BTBD1: variants seen among roughly 807,000 people sequenced by gnomAD.
The protein encoded by BTBD1 is BTB/POZ domain-containing protein 1.
Under a neutral mutation model 48.0 loss-of-function variants are expected in BTBD1, and 34 were observed. The observed-to-expected ratio is 0.71, with a 90% CI of 0.54 to 0.94. The LOEUF (loss-of-function observed/expected upper bound fraction) is 0.94, where lower values mean the gene tolerates loss of function less well. Ranked by LOEUF, BTBD1 falls within the 40% of genes least tolerant of loss-of-function variation. The pLI is 0.00. For synonymous variants in BTBD1, 261 were observed against 242.1 expected (o/e 1.08, Z -0.72); for missense variants, 543 against 625.6 (o/e 0.87, Z 1.41).
chr15:83,058,060 T>C (rs774335925), intron 1 of BTBD1, among the ~76,000 whole-genome samples: 3 of 152,254 alleles, frequency 2.0e-5, no homozygotes, highest in Admixed American at 6.5e-5. Context: ...AGCCTGTCCA[T>C]TGTCATGGAC....
intron 3 of BTBD1, chr15:83,044,635 A>G: frequency 1.3e-6 from 2 of 1,554,906 alleles, no homozygotes; most frequent in Non-Finnish European, 8.8e-7. Context: ...AGCTTTGCAG[A>G]TGGTGCATTG....
intron 4 of BTBD1, among the ~76,000 whole-genome samples, chr15:83,039,219 A>T (rs914538632): frequency 6.6e-6 from 1 of 152,178 alleles, no homozygotes; most frequent in African/African-American, 2.4e-5. Flanking sequence ...GGGCCAAAAA[A>T]TATGAACAGA....
rs777355649 is a variant in BTBD1 at position 83,041,868 on chromosome 15, A to C, written c.722T>G (p.Phe241Cys). The change falls in exon 4 of 8, where the codon TTT becomes TGT. Residue 241 changes from phenylalanine (F) to cysteine (C), a missense_variant. By Grantham distance (205) the Phe-to-Cys change is radical (BLOSUM62 -2). Coordinates refer to ENST00000261721, the MANE Select transcript of BTBD1 (RefSeq NM_025238.4). Reference protein sequence around the residue: ...DTLSIRESRLFGAVVRWAEAE... With the variant: ...DTLSIRESRLCGAVVRWAEAE... The stretch of plus-strand genomic sequence containing the variant: ...TTCTGCCCAGCGTACAACAGCTCCA[A>C]AAAGTCGACTTTCTCGAATACTGAG... The C allele has an allele frequency of 6.2e-7, 1 of 1,614,184 alleles. No homozygotes were observed. Among genetic ancestry groups the C allele is most frequent in the Non-Finnish European group, 8.5e-7 (1 of 1,180,038 alleles).
At chr15:83,041,608 A>G (rs2032761192) in intron 4 of BTBD1, 120 bp downstream of exon 4, 12 of 844,014 alleles carry the variant, frequency 1.4e-5, no homozygotes, top group Non-Finnish European at 1.9e-5. Flanking sequence ...CCTGTCCTCA[A>G]GTGATCCACC....
At position 83,056,372 on chromosome 15, in the gene BTBD1, TA is replaced by T; in HGVS notation, c.558+16del. 6.3e-7 allele frequency: 1 copy of T among 1,593,604 alleles called. No individual in the cohort carries two copies. Among genetic ancestry groups the T allele is most frequent in the East Asian group, 2.2e-5 (1 of 44,768 alleles). On this transcript the variant is annotated intron_variant, in intron 2 of 7. Transcript: ENST00000261721. ...TTTAAAACTACAATGATACATACCT[TA>T]GCTACATTTACTTACCTGAGTAAGT...
intron 4 of BTBD1, among the ~76,000 whole-genome samples, chr15:83,038,030 G>C (rs142374101): frequency 1.3e-5 from 2 of 152,198 alleles, no homozygotes; most frequent in African/African-American, 2.4e-5. Flanking sequence ...GTTGCAGTGA[G>C]CTGAGCTCGT....
At chr15:83,052,445 G>T (rs533312140) in intron 2 of BTBD1, among the ~76,000 whole-genome samples, 1 of 152,034 alleles carries the variant, frequency 6.6e-6, no homozygotes, top group Non-Finnish European at 1.5e-5. Flanking sequence ...AATTAATTTT[G>T]ATAAATTTAA....
At chr15:83,043,189 C>T (rs1395810947) in intron 3 of BTBD1, among the ~76,000 whole-genome samples, 1 of 152,170 alleles carries the variant, frequency 6.6e-6, no homozygotes, top group African/African-American at 2.4e-5. Flanking sequence ...GCAGGCTTCA[C>T]TTATGCCAAG....
chr15:83,038,534 A>G (rs2032675087), intron 4 of BTBD1, among the ~76,000 whole-genome samples: 1 of 152,226 alleles, frequency 6.6e-6, no homozygotes. Context: ...TTTTTCACAG[A>G]ACTAGAAAAA....
intron 5 of BTBD1, chr15:83,022,566 G>A (rs909255369): frequency 6.6e-6 from 1 of 152,434 alleles, no homozygotes; most frequent in Non-Finnish European, 1.5e-5. Flanking sequence ...AGCTATTCGG[G>A]AGGCTGAGGC....
intron 2 of BTBD1, 71 bp from the exon 3 acceptor site, chr15:83,050,249 TA>T: frequency 1.1e-6 from 1 of 882,864 alleles, no homozygotes; most frequent in Admixed American, 2.3e-5. Flanking sequence ...TATTTGAAAT[TA>T]ATATTGTCAA....
At chr15:83,041,656 G>A in intron 4 of BTBD1, 72 bp downstream of exon 4, 2 of 1,432,034 alleles carry the variant, frequency 1.4e-6, no homozygotes, top group Non-Finnish European at 2.0e-6. Flanking sequence ...TTATAGGTGT[G>A]AGCCACCAGG....
At position 83,018,769 on chromosome 15, in the gene BTBD1, T is replaced by C. The variant is rs747597658; in HGVS notation, c.1228A>G (p.Met410Val). ...AGGATCTCTATGGGTTCCTTGAACA[T>C]GACCCTGAATGTGTTAGCTGTCCCA... ...CDGTANTFRV[M>V]FKEPIEILPN... The change falls in exon 7 of 8, where the codon ATG becomes GTG. Residue 410 changes from methionine to valine, a missense_variant. Around this residue, in one of 3 missense-constraint regions of BTBD1, gnomAD observed 300 missense variants for 350.0 expected, o/e 0.86. Coordinates refer to ENST00000261721, the MANE Select transcript of BTBD1 (RefSeq NM_025238.4). 6.2e-7 allele frequency: 1 copy of C among 1,614,152 alleles called. No homozygotes were observed. Among genetic ancestry groups the C allele is most frequent in the Non-Finnish European group, 8.5e-7 (1 of 1,179,988 alleles).
chr15:83,060,261 TATTA>T (rs1231337627), intron 1 of BTBD1, among the ~76,000 whole-genome samples: 3 of 151,832 alleles, frequency 2.0e-5, no homozygotes. Flanking sequence ...TCTATTTAAT[TATTA>T]GAGTTTTTAT....
intron 1 of BTBD1, among the ~76,000 whole-genome samples, chr15:83,057,534 C>T (rs1329409886): frequency 6.6e-6 from 1 of 152,186 alleles, no homozygotes; most frequent in Non-Finnish European, 1.5e-5. Context: ...GATTTCCTTG[C>T]CATTATCTTC....
chr15:83,048,628 CAGT>C (rs111650685), intron 3 of BTBD1, among the ~76,000 whole-genome samples: 4,995 of 152,246 alleles, frequency 0.033, 249 homozygotes, highest in African/African-American at 0.11. Flanking sequence ...TATCCAAACA[CAGT>C]AAGTCCTCAA....
In BTBD1 at chr15:83,067,034, G is replaced by T; in HGVS notation, c.118C>A (p.Leu40Met). Residue 40 changes from leucine to methionine, a missense_variant, in exon 1 of 8, where the codon CTG becomes ATG. Transcript: ENST00000261721. ...SPSSLGPLLP[L>M]QREPLYNWQA... is the part of the protein sequence containing the mutation. Reference sequence around the variant, plus strand: ...CAGTTGTAGAGAGGTTCCCGCTGCAGGGGGAGCAGGGGCCCCAGAGAGGAC... The same window carrying T: ...CAGTTGTAGAGAGGTTCCCGCTGCATGGGGAGCAGGGGCCCCAGAGAGGAC... 6.3e-7 allele frequency: 1 copy of T among 1,582,146 alleles called. No individual in the cohort carries two copies. Among genetic ancestry groups the T allele is most frequent in the Admixed American group, 1.8e-5 (1 of 56,946 alleles).
At chr15:83,040,015 ACG>A (rs1491212068) in intron 4 of BTBD1, among the ~76,000 whole-genome samples, 11 of 145,892 alleles carry the variant, frequency 7.5e-5, no homozygotes, top group African/African-American at 3.0e-4. Flanking sequence ...ACACACACAC[ACG>A]GACACACACA....
At chr15:83,066,687 G>A in intron 1 of BTBD1, 64 bp downstream of exon 1, 1 of 1,261,960 alleles carries the variant, frequency 7.9e-7, no homozygotes, top group East Asian at 3.3e-5. Flanking sequence ...CCGGGCCCCG[G>A]GGATCTCCCA....
Sources: allele counts gnomAD v4.1 joint callset (sites outside exome capture counted in the v4.1 genomes callset), GRCh38; gene constraint gnomAD v4.1.1; regional missense constraint gnomAD v4.1.1; transcripts MANE v1.5; gene names NCBI Gene and HGNC (gene_info 2026-07-23, HGNC 2026-07-21).